Variants in LINGO2 observed in about 807,000 individuals in gnomAD.
LINGO2 encodes the protein leucine-rich repeat and immunoglobulin-like domain-containing nogo receptor-interacting protein 2.
LINGO2 carries 14 observed loss-of-function variants against 30.6 expected under a neutral mutation model. The ratio of observed to expected loss-of-function variants is 0.46; its 90% CI spans 0.30 to 0.72. The LOEUF is 0.72. Among genes scored for constraint, LINGO2 ranks in the 30% least tolerant of loss-of-function variants. The pLI is 0.07. For missense variants in LINGO2, 729 were observed against 751.7 expected, an observed-to-expected ratio of 0.97 and a Z score of 0.35; for synonymous variants, 317 against 288.5, an observed-to-expected ratio of 1.10 and a Z score of -1.00.
At chr9:29,059,206 C>G in the LINGO2 span, among the ~76,000 whole-genome samples, 2 of 151,560 alleles carry the variant, frequency 1.3e-5, no homozygotes, top group Admixed American at 1.3e-4. Flanking sequence ...TCAATTTTCC[C>G]CACCCATAGA....
chr9:28,870,116 C>T, the LINGO2 span, among the ~76,000 whole-genome samples: 22,091 of 151,840 alleles, frequency 0.15, 1,772 homozygotes, highest in East Asian at 0.3. Context: ...AGACACATGG[C>T]CAGTTCATTG....
intron 1 of LINGO2, among the ~76,000 whole-genome samples, chr9:28,603,424 T>C (rs1431052935): frequency 6.6e-6 from 1 of 151,962 alleles, no homozygotes; most frequent in Non-Finnish European, 1.5e-5. Context: ...TAGACAAACA[T>C]GAATTAATTT....
the LINGO2 span, among the ~76,000 whole-genome samples, chr9:28,723,855 A>G: frequency 6.6e-6 from 1 of 152,150 alleles, no homozygotes; most frequent in East Asian, 1.9e-4. Flanking sequence ...TTGGGGCTAC[A>G]TTGTTCTTGA....
chr9:28,761,516 G>A, the LINGO2 span, among the ~76,000 whole-genome samples: 1 of 151,558 alleles, frequency 6.6e-6, no homozygotes, highest in African/African-American at 2.4e-5. Context: ...ACACGTGTGT[G>A]TGTATTAAAG....
the LINGO2 span, among the ~76,000 whole-genome samples, chr9:28,740,110 C>T: frequency 6.7e-5 from 10 of 150,330 alleles, no homozygotes; most frequent in African/African-American, 9.9e-5. Flanking sequence ...ATATGTGTTG[C>T]GTGATCTTAA....
intron 4 of LINGO2, among the ~76,000 whole-genome samples, chr9:28,272,316 A>C (rs1248010620): frequency 6.6e-6 from 1 of 151,976 alleles, no homozygotes; most frequent in Non-Finnish European, 1.5e-5. Context: ...TCAAGTATCA[A>C]AGCACAGCCT....
At chr9:28,086,389 A>C (rs1329240469) in intron 4 of LINGO2, among the ~76,000 whole-genome samples, 2 of 152,128 alleles carry the variant, frequency 1.3e-5, no homozygotes, top group Non-Finnish European at 2.9e-5. Flanking sequence ...ACAGAGATAT[A>C]ATCTTTACAA....
At chr9:28,047,078 C>G (rs1000440199) in intron 4 of LINGO2, among the ~76,000 whole-genome samples, 1 of 152,044 alleles carries the variant, frequency 6.6e-6, no homozygotes, top group Admixed American at 6.6e-5. Context: ...TCCCCATAAG[C>G]AGACAGTAAA....
the LINGO2 span, among the ~76,000 whole-genome samples, chr9:28,926,293 G>C: frequency 6.6e-6 from 1 of 152,082 alleles, no homozygotes; most frequent in Admixed American, 6.5e-5. Context: ...CAGCCTGGGG[G>C]ATAGAGCAAG....
intron 4 of LINGO2, among the ~76,000 whole-genome samples, chr9:28,098,003 T>C (rs191404423): frequency 6.6e-6 from 1 of 152,090 alleles, no homozygotes; most frequent in Non-Finnish European, 1.5e-5. Context: ...AAAAAGATGT[T>C]TTTAAAAATC....
chr9:28,830,181 G>C, the LINGO2 span, among the ~76,000 whole-genome samples: 1 of 152,102 alleles, frequency 6.6e-6, no homozygotes, highest in East Asian at 1.9e-4. Context: ...TAGGCCTTGT[G>C]GGGTAAGTAA....
At chr9:29,077,640 C>T in the LINGO2 span, among the ~76,000 whole-genome samples, 7 of 151,902 alleles carry the variant, frequency 4.6e-5, no homozygotes, top group East Asian at 1.2e-3. Flanking sequence ...ACACAAAAAT[C>T]AAAGTAAAAC....
At chr9:28,201,022 C>G (rs993793440) in intron 4 of LINGO2, among the ~76,000 whole-genome samples, 4 of 150,832 alleles carry the variant, frequency 2.7e-5, no homozygotes, top group African/African-American at 9.7e-5. Flanking sequence ...TCTATTGCCT[C>G]CTTAATTCAA....
intron 5 of LINGO2, among the ~76,000 whole-genome samples, chr9:27,999,941 G>A (rs1179592363): frequency 6.6e-6 from 1 of 152,150 alleles, no homozygotes; most frequent in Non-Finnish European, 1.5e-5. Flanking sequence ...AAATTCTCCT[G>A]TGACTCAATA....
chr9:28,769,506 ATATATATATATATTTTTTTTTTT>A, the LINGO2 span, among the ~76,000 whole-genome samples: 31 of 2,876 alleles, frequency 0.011, 7 homozygotes, highest in East Asian at 0.033. Flanking sequence ...ATATATATAT[ATATATATATATATTTTTTTTTTT>A]TTTTTTTTTT....
chr9:29,130,492 G>T, the LINGO2 span, among the ~76,000 whole-genome samples: 1 of 152,078 alleles, frequency 6.6e-6, no homozygotes. Context: ...AGCTATGTCA[G>T]GAAACTTGAG....
the LINGO2 span, among the ~76,000 whole-genome samples, chr9:29,140,140 A>G: frequency 6.6e-6 from 1 of 152,186 alleles, no homozygotes; most frequent in Admixed American, 6.6e-5. Flanking sequence ...TATTTTTTCA[A>G]ATGTATAGAA....
chr9:28,246,828 G>T (rs1224098086), intron 4 of LINGO2, among the ~76,000 whole-genome samples: 4 of 152,112 alleles, frequency 2.6e-5, no homozygotes, highest in African/African-American at 9.7e-5. Context: ...CCTACAGAGT[G>T]GGAGAATATT....
At chr9:29,010,947 C>T in the LINGO2 span, among the ~76,000 whole-genome samples, 1 of 152,068 alleles carries the variant, frequency 6.6e-6, no homozygotes, top group Non-Finnish European at 1.5e-5. Context: ...GAGTGTGATT[C>T]TGAGGCCGAA....
Sources: gnomAD v4.1 joint callset for allele counts (sites outside exome capture counted in the v4.1 genomes callset) on GRCh38, gnomAD v4.1.1 for gene constraint, MANE v1.5 for transcripts, NCBI Gene and HGNC (gene_info 2026-07-23, HGNC 2026-07-21) for gene names.